MPP7: variants seen among roughly 807,000 people sequenced by gnomAD.
The protein encoded by MPP7 is MAGUK p55 subfamily member 7.
A neutral mutation model predicts 76.5 loss-of-function variants in MPP7; 60 were observed. The observed-to-expected ratio is 0.78, with a 90% CI of 0.64 to 0.97. The LOEUF (loss-of-function observed/expected upper bound fraction) is 0.97. MPP7 is among the 50% of genes least tolerant of loss of function. MPP7 has a pLI of 0.00. For missense variants in MPP7, 641 were observed against 694.0 expected, an observed-to-expected ratio of 0.92 and a Z score of 0.86; for synonymous variants, 237 against 244.5, an observed-to-expected ratio of 0.97 and a Z score of 0.29.
chr10:28,120,147 C>CA lies in MPP7; in HGVS notation c.887+46dup, dbSNP rs769710511. ...TGCCAGAATGATATTTTGCAGAGAA[C>CA]AAAAGGTCAGCTGGAGAAAAGCCAT... On this transcript the variant is annotated intron_variant, in intron 10 of 16. Coordinates refer to ENST00000683449, the MANE Select transcript of MPP7 (RefSeq NM_001318170.2). 3 of 1,572,664 alleles carry CA rather than the reference C, an allele frequency of 1.9e-6. No homozygotes were observed. The Admixed American group carries it at 5.5e-5, about 29-fold the overall frequency.
At chr10:28,168,149 C>T (rs889556057) in intron 3 of MPP7, among the ~76,000 whole-genome samples, 2 of 152,042 alleles carry the variant, frequency 1.3e-5, no homozygotes, top group Admixed American at 6.6e-5. Flanking sequence ...AGGCTCAAAT[C>T]GCTTGAACTC....
rs1050476592 is a variant in MPP7 at position 28,297,707 on chromosome 10, A to T, written c.-132+5154T>A. Among the ~76,000 whole-genome samples the T allele has an allele frequency of 1.1e-4, 17 of 152,164 alleles. No individual in the cohort carries two copies. The East Asian group carries it at 2.5e-3, about 22-fold the overall frequency. On this transcript the variant is annotated intron_variant, in intron 1 of 16. Coordinates refer to ENST00000683449, the MANE Select transcript of MPP7 (RefSeq NM_001318170.2). ...GAGCGAGACTCCGTCTCAAAAAAAT[A>T]AAAAAAATGAAGTTTGCCACATCAA... is the stretch of plus-strand genomic sequence containing the variant.
chr10:28,127,816 C>T (rs1047941934), intron 6 of MPP7, among the ~76,000 whole-genome samples: 3 of 152,114 alleles, frequency 2.0e-5, no homozygotes, highest in Admixed American at 6.5e-5. Flanking sequence ...ACCAGGATGC[C>T]AGGGCAGGCG....
At chr10:28,138,132 A>T in intron 5 of MPP7, among the ~76,000 whole-genome samples, 1 of 152,070 alleles carries the variant, frequency 6.6e-6, no homozygotes, top group East Asian at 1.9e-4. Flanking sequence ...AATCTACCAA[A>T]TTTTCCATGA....
At chr10:28,330,240 C>T (rs1186714831) in intron 1 of MPP7, among the ~76,000 whole-genome samples, 1 of 152,128 alleles carries the variant, frequency 6.6e-6, no homozygotes, top group African/African-American at 2.4e-5. Context: ...TGGAGGGTGA[C>T]TAAAATCAGG....
rs1159364610 is a variant in MPP7, at chr10:28,051,996, T to C, written c.*2069A>G. On this transcript the variant is annotated 3_prime_UTR_variant, in exon 17 of 17. Coordinates refer to ENST00000683449, the MANE Select transcript of MPP7 (RefSeq NM_001318170.2). ...TAGCTCTGCGCTTAAGGTCTGGACC[T>C]TTCTTTTTTAAAATGTTATATTTTT... is the stretch of plus-strand genomic sequence containing the variant. 6.7e-6 allele frequency: 1 copy of C among 148,664 alleles called. No individual in the cohort carries two copies. Among genetic ancestry groups the C allele is most frequent in the East Asian group, 2.2e-4 (1 of 4,558 alleles). The allele number at this position is 148,664 out of a possible 1,614,324, so 9.2% of individuals were successfully genotyped here. A position where few individuals can be genotyped will look rare whatever the true frequency, so the allele number is the denominator to read the frequency against.
intron 5 of MPP7, among the ~76,000 whole-genome samples, chr10:28,143,372 CA>C (rs1835590266): frequency 6.6e-6 from 1 of 152,084 alleles, no homozygotes; most frequent in African/African-American, 2.4e-5. Context: ...TACGTATTAT[CA>C]AAAAAGAATA....
At chr10:28,262,240 T>C (rs371155020) in intron 1 of MPP7, among the ~76,000 whole-genome samples, 16 of 70,440 alleles carry the variant, frequency 2.3e-4, no homozygotes, top group African/African-American at 1.0e-3. Flanking sequence ...TATATATATA[T>C]ATACATATAT....
intron 1 of MPP7, among the ~76,000 whole-genome samples, chr10:28,239,976 A>C (rs1839212215): frequency 6.6e-6 from 1 of 152,190 alleles, no homozygotes; most frequent in Non-Finnish European, 1.5e-5. Context: ...TCAGGTAATG[A>C]GATTATACAA....
intron 1 of MPP7, among the ~76,000 whole-genome samples, chr10:28,301,370 A>AT (rs1158714909): frequency 2.0e-5 from 3 of 152,218 alleles, no homozygotes; most frequent in Non-Finnish European, 4.4e-5. Context: ...TAAAATAGAG[A>AT]TTTTCACACA....
At chr10:28,112,540 AAAATTTTT>A (rs1322194256) in intron 11 of MPP7, among the ~76,000 whole-genome samples, 1 of 152,226 alleles carries the variant, frequency 6.6e-6, no homozygotes, top group African/African-American at 2.4e-5. Flanking sequence ...GTTTCTCCAT[AAAATTTTT>A]AAGTAGAGAG....
chr10:28,312,095 G>A (rs1393151762), intron 2 of MPP7, among the ~76,000 whole-genome samples: 1 of 152,158 alleles, frequency 6.6e-6, no homozygotes, highest in Non-Finnish European at 1.5e-5. Context: ...GCAGCAGCAA[G>A]ATTTATTGTG....
chr10:28,168,940 G>T (rs1836583256), intron 3 of MPP7, among the ~76,000 whole-genome samples: 2 of 152,062 alleles, frequency 1.3e-5, no homozygotes, highest in African/African-American at 4.8e-5. Flanking sequence ...TTTTTTATAT[G>T]TATAAACTAT....
chr10:28,253,334 C>T (rs1002128501), intron 1 of MPP7, among the ~76,000 whole-genome samples: 2 of 152,022 alleles, frequency 1.3e-5, no homozygotes, highest in Admixed American at 6.6e-5. Flanking sequence ...TTAAGACTAA[C>T]GAGGATTTAG....
chr10:28,120,722 A>G (rs530227524), intron 8 of MPP7, 54 bp from the exon 9 acceptor site: 3 of 1,370,534 alleles, frequency 2.2e-6, no homozygotes, highest in East Asian at 2.3e-5. Flanking sequence ...AGGAAGAATA[A>G]GGTAAAATAG....
intron 2 of MPP7, among the ~76,000 whole-genome samples, chr10:28,211,007 A>G (rs1445528045): frequency 6.6e-6 from 1 of 152,196 alleles, no homozygotes; most frequent in Non-Finnish European, 1.5e-5. Flanking sequence ...CTTTGAGATC[A>G]CTGAGTTATT....
At chr10:28,253,679 A>G (rs925343422) in intron 1 of MPP7, among the ~76,000 whole-genome samples, 2 of 152,120 alleles carry the variant, frequency 1.3e-5, no homozygotes, top group Non-Finnish European at 2.9e-5. Context: ...ACTGCTCAAG[A>G]CATCATTTCT....
chr10:28,296,850 A>C (rs1423990053), intron 1 of MPP7, among the ~76,000 whole-genome samples: 1 of 152,220 alleles, frequency 6.6e-6, no homozygotes, highest in African/African-American at 2.4e-5. Context: ...ATCTTTCCAC[A>C]CATATGCACT....
chr10:28,148,885 A>AT (rs1750501364), intron 4 of MPP7, among the ~76,000 whole-genome samples: 1 of 152,128 alleles, frequency 6.6e-6, no homozygotes, highest in Non-Finnish European at 1.5e-5. Context: ...TTTAAAACTG[A>AT]TTTTTTAAGG....
Sources: allele counts gnomAD v4.1 joint callset (sites outside exome capture counted in the v4.1 genomes callset), GRCh38; gene constraint gnomAD v4.1.1; transcripts MANE v1.5; gene names NCBI Gene and HGNC (gene_info 2026-07-23, HGNC 2026-07-21).